Variants in NRG1 observed in about 807,000 individuals in gnomAD.
NRG1 encodes pro-neuregulin-1, membrane-bound isoform.
NRG1 carries 18 observed loss-of-function variants against 63.8 expected under a neutral mutation model. That is an observed-to-expected ratio of 0.28 (90% CI 0.19 to 0.42). The LOEUF is 0.42. Ranked by LOEUF, NRG1 falls within the 10% of genes least tolerant of loss-of-function variation. The pLI, the probability that NRG1 is intolerant of heterozygous loss-of-function variation, is 1.00. For missense variants in NRG1, 762 were observed against 814.7 expected, an observed-to-expected ratio of 0.94 and a Z score of 0.79; for synonymous variants, 302 against 301.3, an observed-to-expected ratio of 1.00 and a Z score of -0.02.
intron 1 of NRG1, among the ~76,000 whole-genome samples, chr8:31,990,480 T>G (rs1041711350): frequency 2.6e-5 from 4 of 152,110 alleles, no homozygotes; most frequent in African/African-American, 9.7e-5. Flanking sequence ...ATAGGACTAA[T>G]GCACCTTGAG....
At chr8:32,235,813 T>A (rs907802889) in intron 1 of NRG1, among the ~76,000 whole-genome samples, 1 of 152,162 alleles carries the variant, frequency 6.6e-6, no homozygotes, top group Non-Finnish European at 1.5e-5. Flanking sequence ...CAAAAAAATC[T>A]GTTTAGGGCC....
chr8:32,108,391 G>A (rs796354656), intron 1 of NRG1, among the ~76,000 whole-genome samples: 4 of 152,248 alleles, frequency 2.6e-5, no homozygotes, highest in African/African-American at 9.6e-5. Context: ...GAGGGGAAAG[G>A]AACAGTATGT....
At chr8:32,099,986 G>C (rs929015726) in intron 1 of NRG1, among the ~76,000 whole-genome samples, 1 of 152,048 alleles carries the variant, frequency 6.6e-6, no homozygotes, top group Non-Finnish European at 1.5e-5. Flanking sequence ...TGGGATTGGA[G>C]TACAAGGGAA....
At chr8:31,928,860 A>T (rs1214823802) in intron 1 of NRG1, among the ~76,000 whole-genome samples, 1 of 152,136 alleles carries the variant, frequency 6.6e-6, no homozygotes, top group African/African-American at 2.4e-5. Flanking sequence ...GACATTGGAG[A>T]CTAAGAAGCG....
At chr8:32,039,053 A>G (rs1204599942) in intron 1 of NRG1, among the ~76,000 whole-genome samples, 1 of 152,102 alleles carries the variant, frequency 6.6e-6, no homozygotes, top group Non-Finnish European at 1.5e-5. Flanking sequence ...AAATTCTGGG[A>G]TGTTTGTTTT....
At chr8:32,268,064 T>C (rs764422964) in intron 1 of NRG1, among the ~76,000 whole-genome samples, 3 of 152,168 alleles carry the variant, frequency 2.0e-5, no homozygotes, top group Non-Finnish European at 4.4e-5. Context: ...TAGAGTCTTT[T>C]ACTTCCTTAT....
chr8:32,358,350 C>A (rs906827889), intron 1 of NRG1, among the ~76,000 whole-genome samples: 1 of 122,592 alleles, frequency 8.2e-6, no homozygotes, highest in Non-Finnish European at 1.6e-5. Flanking sequence ...TAAGATCAAC[C>A]GATAGAATGC....
At chr8:32,065,854 A>G (rs1213724021) in intron 1 of NRG1, among the ~76,000 whole-genome samples, 1 of 152,106 alleles carries the variant, frequency 6.6e-6, no homozygotes, top group Admixed American at 6.6e-5. Flanking sequence ...CCTGTTGTTT[A>G]CTGACTTTTT....
chr8:31,834,307 G>GCACACACACACACACACA (rs1554547024), intron 1 of NRG1, among the ~76,000 whole-genome samples: 3 of 119,516 alleles, frequency 2.5e-5, no homozygotes, highest in South Asian at 2.3e-4. Flanking sequence ...GCGCACGCGC[G>GCACACACACACACACACA]CACACACACA....
intron 1 of NRG1, among the ~76,000 whole-genome samples, chr8:32,112,963 G>T (rs1832229550): frequency 6.6e-6 from 1 of 152,164 alleles, no homozygotes; most frequent in Non-Finnish European, 1.5e-5. Flanking sequence ...TTCATAATTT[G>T]TAGGCCCAGT....
At chr8:32,647,692 C>T in intron 5 of NRG1, 1 of 1,527,172 alleles carries the variant, frequency 6.5e-7, no homozygotes, top group Non-Finnish European at 8.8e-7. Flanking sequence ...GTGAGAGCGG[C>T]CAGGCCTTCT....
At chr8:32,241,733 C>T (rs534706098) in intron 1 of NRG1, among the ~76,000 whole-genome samples, 3 of 146,630 alleles carry the variant, frequency 2.0e-5, no homozygotes, top group African/African-American at 7.4e-5. Flanking sequence ...GTGTAATGTA[C>T]TTGCTTTGGC....
intron 1 of NRG1, among the ~76,000 whole-genome samples, chr8:32,498,541 G>C (rs1038045576): frequency 3.9e-5 from 6 of 152,054 alleles, no homozygotes; most frequent in Admixed American, 6.6e-5. Context: ...ACTCACTATC[G>C]TGAGAACTCA....
At chr8:31,641,653 A>C (rs1362608547) in intron 1 of NRG1, 4 of 152,178 alleles carry the variant, frequency 2.6e-5, no homozygotes, top group Non-Finnish European at 5.9e-5. Flanking sequence ...ATATCTGTAT[A>C]ATTTCCTGAT....
At chr8:32,047,675 G>T (rs112091686) in intron 1 of NRG1, among the ~76,000 whole-genome samples, 3,214 of 151,798 alleles carry the variant, frequency 0.021, 86 homozygotes, top group African/African-American at 0.061. Flanking sequence ...TACTTACTGT[G>T]TACAACATTG....
At chr8:32,641,833 C>T (rs962340115) in intron 5 of NRG1, among the ~76,000 whole-genome samples, 14 of 152,180 alleles carry the variant, frequency 9.2e-5, no homozygotes, top group Non-Finnish European at 1.6e-4. Flanking sequence ...GCAGAAAAGA[C>T]ATGCCCAGGA....
rs565550708 is a variant in NRG1 at position 32,555,519 on chromosome 8, T to G, written c.100+6693T>G. ...CGGAGTCTCACTGTGTCACCCAGGC[T>G]GGAGTGCAGTGGTGCCATCTCGACT... On this transcript the variant is annotated intron_variant, in intron 1 of 11. Coordinates refer to ENST00000356819, the Ensembl canonical transcript of NRG1. Among the ~76,000 whole-genome samples, 28 of 152,356 alleles carry G rather than the reference T, an allele frequency of 1.8e-4. No homozygotes were observed. In the East Asian group the frequency reaches 5.4e-3, roughly 29 times the overall value.
chr8:32,694,167 G>A (rs947880288), intron 5 of NRG1, among the ~76,000 whole-genome samples: 10 of 152,124 alleles, frequency 6.6e-5, no homozygotes, highest in Admixed American at 2.0e-4. Flanking sequence ...TGCCTGTCAC[G>A]TCTAGAATCT....
chr8:31,774,539 G>A (rs534413240), intron 1 of NRG1, among the ~76,000 whole-genome samples: 18 of 152,200 alleles, frequency 1.2e-4, no homozygotes, highest in African/African-American at 2.2e-4. Context: ...TGGCATAGTC[G>A]GGGGTCAAGT....
Sources: allele counts gnomAD v4.1 joint callset (sites outside exome capture counted in the v4.1 genomes callset), GRCh38; gene constraint gnomAD v4.1.1; transcripts MANE v1.5; gene names NCBI Gene and HGNC (gene_info 2026-07-23, HGNC 2026-07-21).